The following SEMA3C variants were observed in gnomAD, a reference collection of about 807,000 sequenced individuals.
SEMA3C encodes the protein semaphorin-3C.
SEMA3C carries 47 observed loss-of-function variants against 89.4 expected under a neutral mutation model. The ratio of observed to expected loss-of-function variants is 0.53; its 90% CI spans 0.42 to 0.67. SEMA3C has a LOEUF of 0.67. Among genes scored for constraint, SEMA3C ranks in the 30% least tolerant of loss-of-function variants. The pLI, the probability that SEMA3C is intolerant of heterozygous loss-of-function variation, is 0.00. For missense variants in SEMA3C, 839 were observed against 929.1 expected (o/e 0.90, Z 1.26); for synonymous variants, 310 against 320.2 (o/e 0.97, Z 0.34).
At chr7:80,765,724 C>T (rs1442619904) in intron 12 of SEMA3C, among the ~76,000 whole-genome samples, 1 of 151,898 alleles carries the variant, frequency 6.6e-6, no homozygotes, top group Non-Finnish European at 1.5e-5. Context: ...TTACAGGTGC[C>T]CGCCACCACG....
At chr7:80,777,448 C>T (rs1046217055) in intron 12 of SEMA3C, among the ~76,000 whole-genome samples, 4 of 152,094 alleles carry the variant, frequency 2.6e-5, no homozygotes, top group South Asian at 2.1e-4. Context: ...CGTGCCACCA[C>T]GCCTGGCTAA....
At chr7:80,759,463 A>G (rs955551943) in intron 14 of SEMA3C, among the ~76,000 whole-genome samples, 3 of 152,158 alleles carry the variant, frequency 2.0e-5, no homozygotes, top group African/African-American at 7.2e-5. Context: ...CTCACCTACA[A>G]ATTTGCTGTG....
At chr7:80,813,564 A>C (rs1220487995) in intron 5 of SEMA3C, among the ~76,000 whole-genome samples, 1 of 152,226 alleles carries the variant, frequency 6.6e-6, no homozygotes, top group South Asian at 2.1e-4. Flanking sequence ...TATTATATTG[A>C]TATATCCACT....
intron 12 of SEMA3C, among the ~76,000 whole-genome samples, chr7:80,788,776 T>C (rs1788864183): frequency 6.6e-6 from 1 of 152,204 alleles, no homozygotes; most frequent in Admixed American, 6.5e-5. Flanking sequence ...ATTATCATTA[T>C]CCTTAGAAAA....
intron 5 of SEMA3C, among the ~76,000 whole-genome samples, chr7:80,815,295 G>T (rs1452740645): frequency 6.6e-6 from 1 of 152,024 alleles, no homozygotes; most frequent in African/African-American, 2.4e-5. Flanking sequence ...TAGGAGAAGG[G>T]ATACAAAATG....
chr7:80,834,562 A>G (rs1428519811), intron 2 of SEMA3C, among the ~76,000 whole-genome samples: 1 of 152,218 alleles, frequency 6.6e-6, no homozygotes, highest in Non-Finnish European at 1.5e-5. Flanking sequence ...TCATATAAGA[A>G]CAAACGTTTG....
chr7:80,827,961 G>A (rs1789914878), intron 3 of SEMA3C, among the ~76,000 whole-genome samples: 1 of 151,914 alleles, frequency 6.6e-6, no homozygotes, highest in South Asian at 2.1e-4. Context: ...AAAACCAAGA[G>A]ATTCCCTCTC....
intron 2 of SEMA3C, among the ~76,000 whole-genome samples, chr7:80,863,775 C>CTG (rs1562911803): frequency 3.6e-5 from 5 of 139,284 alleles, no homozygotes; most frequent in Non-Finnish European, 7.6e-5. Context: ...AGTATTCCAT[C>CTG]ATATATATAG....
At chr7:80,756,737 T>C (rs1163098518) in intron 15 of SEMA3C, among the ~76,000 whole-genome samples, 1 of 152,158 alleles carries the variant, frequency 6.6e-6, no homozygotes, top group Non-Finnish European at 1.5e-5. Context: ...TCCTGGAATG[T>C]TATTCTGCTA....
At chr7:80,776,933 A>T (rs1033622274) in intron 12 of SEMA3C, among the ~76,000 whole-genome samples, 1 of 152,152 alleles carries the variant, frequency 6.6e-6, no homozygotes, top group Non-Finnish European at 1.5e-5. Context: ...CCAAATACTT[A>T]TTAAATGCAT....
At position 80,843,867 on chromosome 7, in the gene SEMA3C, T is replaced by C. The variant is rs1490459897; in HGVS notation, c.104-15122A>G. On this transcript the variant is annotated intron_variant, in intron 2 of 17. Transcript: ENST00000265361. Reference sequence around the variant, plus strand: ...TAAATGAGAGGAAAAGTTTTCTTACTCTTTACCCAGTCTGCCTAATTTAAG... The same window carrying C: ...TAAATGAGAGGAAAAGTTTTCTTACCCTTTACCCAGTCTGCCTAATTTAAG... Among the ~76,000 whole-genome samples, 3 of 152,198 alleles carry C rather than the reference T, an allele frequency of 2.0e-5. No individual in the cohort carries two copies. The East Asian group carries it at 5.8e-4, about 29-fold the overall frequency.
Position 80,836,093 on chromosome 7 carries a change from A to G in SEMA3C, c.104-7348T>C, listed in dbSNP as rs547603529. 4.6e-5 allele frequency among the ~76,000 whole-genome samples: 7 copies of G among 152,232 alleles called. No homozygotes were observed. In the South Asian group the frequency reaches 1.2e-3, roughly 27 times the overall value. On this transcript the variant is annotated intron_variant, in intron 2 of 17. Coordinates refer to ENST00000265361, the MANE Select transcript of SEMA3C (RefSeq NM_006379.5). ...GTATAAGAAATGCCTCAGCTTCCCAAATTTTCTTTGCCAGTCGGGGACGAG... is the reference window on the plus strand; with the variant it reads ...GTATAAGAAATGCCTCAGCTTCCCAGATTTTCTTTGCCAGTCGGGGACGAG...
chr7:80,758,137 CAT>C (rs1788105163), intron 15 of SEMA3C, among the ~76,000 whole-genome samples, 192 bp downstream of exon 15: 1 of 152,054 alleles, frequency 6.6e-6, no homozygotes, highest in African/African-American at 2.4e-5. Context: ...CTGGATTTAC[CAT>C]ATCTGTGAGA....
At chr7:80,815,695 A>C (rs2115745929) in intron 5 of SEMA3C, among the ~76,000 whole-genome samples, 1 of 152,204 alleles carries the variant, frequency 6.6e-6, no homozygotes, top group South Asian at 2.1e-4. Context: ...ACAAAAAGAT[A>C]CTGAAACAGA....
chr7:80,795,282 G>A (rs1325399147), intron 11 of SEMA3C, among the ~76,000 whole-genome samples: 1 of 152,170 alleles, frequency 6.6e-6, no homozygotes, highest in African/African-American at 2.4e-5. Flanking sequence ...TTGAAGGGTG[G>A]AGGGACAGAA....
At position 80,789,416 on chromosome 7, in the gene SEMA3C, T is replaced by G; in HGVS notation, c.1244A>C (p.His415Pro). ...AATACGAACAATCAAAGGCCTTTTG[T>G]GGATTGGGTAGATGGAATTGTACAT... ...PLMYNSIYPI[H>P]KRPLIVRIGT... Residue 415 changes from histidine (H) to proline (P), a missense_variant, in exon 12 of 18, where the codon CAC (histidine) becomes CCC (proline). Physicochemically the swap from His to Pro is moderately conservative, Grantham distance 77. Coordinates refer to ENST00000265361, the MANE Select transcript of SEMA3C (RefSeq NM_006379.5). 6.2e-7 allele frequency: 1 copy of G among 1,614,026 alleles called. No homozygotes were observed. Among genetic ancestry groups the G allele is most frequent in the Middle Eastern group, 1.6e-4 (1 of 6,062 alleles).
chr7:80,765,093 G>T, intron 13 of SEMA3C, 62 bp downstream of exon 13: 1 of 1,145,816 alleles, frequency 8.7e-7, no homozygotes, highest in Non-Finnish European at 1.3e-6. Flanking sequence ...CCAAGTGGCT[G>T]TAAGATTAAA....
Position 80,812,856 on chromosome 7 carries a change from G to A in SEMA3C, c.448-2155C>T, listed in dbSNP as rs189701262. 1.3e-3 allele frequency among the ~76,000 whole-genome samples: 199 copies of A among 151,966 alleles called. 1 individual carries two copies. The highest frequency in any genetic ancestry group is 2.3e-3 in the Non-Finnish European group (159 of 67,986). ...GGCTGAAGTGCAGTGGTGCGATCTC[G>A]GCTTACGGCAACCTCCACATCCCAG... On this transcript the variant is annotated intron_variant, in intron 5 of 17. Transcript: ENST00000265361.
intron 2 of SEMA3C, among the ~76,000 whole-genome samples, chr7:80,838,470 C>G (rs185519160): frequency 7.4e-4 from 113 of 152,066 alleles, no homozygotes; most frequent in Non-Finnish European, 1.3e-3. Context: ...AAAAAGGGGT[C>G]TATGTAAAAA....
Sources: allele counts gnomAD v4.1 joint callset (sites outside exome capture counted in the v4.1 genomes callset), GRCh38; gene constraint gnomAD v4.1.1; transcripts MANE v1.5; gene names NCBI Gene and HGNC (gene_info 2026-07-23, HGNC 2026-07-21).